The following TEAD1 variants were observed in gnomAD, a reference collection of about 807,000 sequenced individuals.
TEAD1 encodes transcriptional enhancer factor TEF-1.
A neutral mutation model predicts 54.9 loss-of-function variants in TEAD1; 9 were observed. The observed-to-expected ratio is 0.16, with a 90% CI of 0.10 to 0.29. The LOEUF is 0.29. Among genes scored for constraint, TEAD1 ranks in the 10% least tolerant of loss-of-function variants. The pLI, the probability that TEAD1 is intolerant of heterozygous loss-of-function variation, is 1.00. For missense variants in TEAD1, 387 were observed against 535.9 expected (o/e 0.72, Z 2.74); for synonymous variants, 200 against 187.8 (o/e 1.07, Z -0.53).
chr11:12,703,454 G>T (rs969498528), intron 2 of TEAD1, among the ~76,000 whole-genome samples: 7 of 152,150 alleles, frequency 4.6e-5, no homozygotes, highest in African/African-American at 1.7e-4. Flanking sequence ...TTTTCCATTT[G>T]TTTTGCCTGC....
chr11:12,894,912 C>T (rs1412057138), intron 9 of TEAD1, among the ~76,000 whole-genome samples: 2 of 152,210 alleles, frequency 1.3e-5, no homozygotes, highest in Non-Finnish European at 2.9e-5. Context: ...CACTCCAGTA[C>T]AGTAGGTACT....
intron 8 of TEAD1, 67 bp from the exon 9 acceptor site, chr11:12,882,934 C>A: frequency 6.2e-7 from 1 of 1,612,992 alleles, no homozygotes; most frequent in South Asian, 1.1e-5. Context: ...GAGCCCTGTT[C>A]CAGTATTTGC....
At chr11:12,853,719 CA>C (rs1325636014) in intron 3 of TEAD1, among the ~76,000 whole-genome samples, 2 of 152,168 alleles carry the variant, frequency 1.3e-5, no homozygotes, top group Non-Finnish European at 2.9e-5. Context: ...TAACCCAAGG[CA>C]AATGTGTAGT....
intron 2 of TEAD1, among the ~76,000 whole-genome samples, chr11:12,727,773 C>T (rs1944343422): frequency 6.6e-6 from 1 of 152,156 alleles, no homozygotes; most frequent in Admixed American, 6.5e-5. Context: ...TTTTCTGTTG[C>T]ACTTGGCTTG....
chr11:12,702,217 C>T (rs1014923825), intron 2 of TEAD1, among the ~76,000 whole-genome samples: 27 of 152,204 alleles, frequency 1.8e-4, no homozygotes, highest in Admixed American at 1.8e-3. Context: ...GGTGCCATGG[C>T]AGGCTCAGGT....
At chr11:12,878,269 T>C (rs750481222) in intron 5 of TEAD1, among the ~76,000 whole-genome samples, 7 of 152,214 alleles carry the variant, frequency 4.6e-5, no homozygotes, top group Admixed American at 1.3e-4. Context: ...TTCATGAGCT[T>C]TGATTTTTTA....
At chr11:12,828,678 AT>A (rs34495066) in intron 3 of TEAD1, among the ~76,000 whole-genome samples, 84,708 of 140,666 alleles carry the variant, frequency 0.6, 25,536 homozygotes, top group East Asian at 0.74. Flanking sequence ...TAACTGAGTG[AT>A]TTTTTTTTTT....
At chr11:12,853,916 C>G (rs898291387) in intron 3 of TEAD1, among the ~76,000 whole-genome samples, 1 of 152,162 alleles carries the variant, frequency 6.6e-6, no homozygotes, top group African/African-American at 2.4e-5. Flanking sequence ...CACAGCCTTT[C>G]TCTGTATGTT....
intron 2 of TEAD1, among the ~76,000 whole-genome samples, chr11:12,751,483 G>A (rs539904148): frequency 6.6e-6 from 1 of 152,268 alleles, no homozygotes; most frequent in South Asian, 2.1e-4. Flanking sequence ...AGGCTTCCCA[G>A]TGGAGGGGCT....
At position 12,839,527 on chromosome 11, in the gene TEAD1, T is replaced by C. The variant is rs190410267; in HGVS notation, c.203-22723T>C. Among the ~76,000 whole-genome samples, 587 of 152,322 alleles carry C rather than the reference T, an allele frequency of 3.9e-3. 5 individuals are homozygous for C. Among genetic ancestry groups the C allele is most frequent in the African/African-American group, 0.013 (556 of 41,572 alleles). ...GGCCTGTCCATTCAGTTAACAGTTA[T>C]TATGTCCCAGGTGCTAGGCTGTGTC... On this transcript the variant is annotated intron_variant, in intron 3 of 12. Coordinates refer to ENST00000527636, the MANE Select transcript of TEAD1 (RefSeq NM_021961.6).
At chr11:12,854,309 C>A (rs1307927994) in intron 3 of TEAD1, among the ~76,000 whole-genome samples, 1 of 152,170 alleles carries the variant, frequency 6.6e-6, no homozygotes, top group Non-Finnish European at 1.5e-5. Context: ...TCTGTAGCCA[C>A]TGAGGACCTG....
At chr11:12,681,887 C>T (rs909510857) in intron 2 of TEAD1, among the ~76,000 whole-genome samples, 1 of 152,244 alleles carries the variant, frequency 6.6e-6, no homozygotes, top group Non-Finnish European at 1.5e-5. Flanking sequence ...CAGGATGGTT[C>T]TGACTGAAAC....
intron 3 of TEAD1, among the ~76,000 whole-genome samples, chr11:12,854,359 C>G (rs1947330414): frequency 6.6e-6 from 1 of 152,012 alleles, no homozygotes; most frequent in Non-Finnish European, 1.5e-5. Context: ...TGAGCAAAAC[C>G]CAGTTTATGC....
chr11:12,768,453 A>G (rs1945251746), intron 3 of TEAD1, among the ~76,000 whole-genome samples: 1 of 152,236 alleles, frequency 6.6e-6, no homozygotes, highest in Admixed American at 6.5e-5. Context: ...CTCCACATAC[A>G]ATTCTGTCTA....
chr11:12,797,987 A>C (rs930948753), intron 3 of TEAD1, among the ~76,000 whole-genome samples: 22 of 152,244 alleles, frequency 1.4e-4, no homozygotes, highest in African/African-American at 5.3e-4. Context: ...TACCTGGATG[A>C]GTCTCTAGCT....
chr11:12,722,334 G>C lies in TEAD1; in HGVS notation c.-54-41845G>C, dbSNP rs553219021. On this transcript the variant is annotated intron_variant, in intron 2 of 12. Transcript: ENST00000527636. ...GGGAGGGAAGAAGAACGCAAGAGGG[G>C]AAGACTCCTTCCTGAGTGCACACCA... Among the ~76,000 whole-genome samples the C allele has an allele frequency of 5.9e-5, 9 of 152,270 alleles. No homozygotes were observed. In the South Asian group the frequency reaches 1.9e-3, roughly 32 times the overall value.
intron 3 of TEAD1, among the ~76,000 whole-genome samples, chr11:12,814,774 GCTCTGTGTGTGTGTGTGTGTGTGT>G (rs1182859321): frequency 1.9e-5 from 2 of 105,080 alleles, no homozygotes; most frequent in Non-Finnish European, 4.2e-5. Context: ...CCATCGCAGA[GCTCTGTGTGTGTGTGTGTGTGTGT>G]GTGTGTGTGT....
intron 3 of TEAD1, among the ~76,000 whole-genome samples, chr11:12,807,380 G>A (rs1429675742): frequency 1.3e-5 from 2 of 152,188 alleles, no homozygotes; most frequent in Non-Finnish European, 2.9e-5. Flanking sequence ...GGGGCAGTAT[G>A]TTTAATAGGT....
Position 12,910,747 on chromosome 11 carries a change from C to CTTTTT in TEAD1, c.873+8647_873+8651dup, listed in dbSNP as rs5789752. Among the ~76,000 whole-genome samples, 125 of 119,914 alleles carry CTTTTT rather than the reference C, an allele frequency of 1.0e-3. 2 individuals carry two copies. The highest frequency in any genetic ancestry group is 2.4e-3 in the East Asian group (10 of 4,226). 78.7% of individuals were successfully genotyped at this position (119,914 alleles called of 152,430 possible). On this transcript the variant is annotated intron_variant, in intron 10 of 12. Coordinates refer to ENST00000527636, the MANE Select transcript of TEAD1 (RefSeq NM_021961.6). ...ACTGTCTACATAGTTACTTAATTTGCTTTTTTTTTTTTTTTTTGAGATGGA... is the reference window on the plus strand; with the variant it reads ...ACTGTCTACATAGTTACTTAATTTGCTTTTTTTTTTTTTTTTTTTTTTGAGATGGA...
Sources: gnomAD v4.1 joint callset for allele counts (sites outside exome capture counted in the v4.1 genomes callset) on GRCh38, gnomAD v4.1.1 for gene constraint, MANE v1.5 for transcripts, NCBI Gene and HGNC (gene_info 2026-07-23, HGNC 2026-07-21) for gene names.